PCDHA6: variants seen among roughly 807,000 people sequenced by gnomAD.
The protein encoded by PCDHA6 is protocadherin alpha 6, also known as protocadherin alpha-6.
A neutral mutation model predicts 60.3 loss-of-function variants in PCDHA6; 55 were observed. The ratio of observed to expected loss-of-function variants is 0.91; its 90% CI spans 0.73 to 1.14. PCDHA6 has a LOEUF of 1.14. Ranked by LOEUF, PCDHA6 falls within the 50% of genes most tolerant of loss-of-function variation. The pLI is 0.00. For synonymous variants in PCDHA6, 652 were observed against 557.9 expected (o/e 1.17, Z -2.38); for missense variants, 1,327 against 1,256.5 (o/e 1.06, Z -0.85).
In PCDHA6 at chr5:140,876,738, G is replaced by A. The variant is rs782179304; in HGVS notation, c.2394+46253G>A. 3.1e-6 allele frequency: 5 copies of A among 1,614,264 alleles called. No individual in the cohort carries two copies. In the Admixed American group the frequency reaches 5.0e-5, roughly 16 times the overall value. ...ACCGCGAGAGCGTGTCGGCCTATGA[G>A]CTGGTGGTGACTGCGCGGGATGGGG... On this transcript the variant is annotated intron_variant, in intron 1 of 3. Coordinates refer to ENST00000529310, the MANE Select transcript of PCDHA6 (RefSeq NM_018909.4).
chr5:140,951,603 T>G (rs1056623799), intron 1 of PCDHA6, among the ~76,000 whole-genome samples: 2 of 152,094 alleles, frequency 1.3e-5, no homozygotes, highest in African/African-American at 4.8e-5. Flanking sequence ...CTCACTGTTA[T>G]GAGAATAGCA....
chr5:140,995,800 A>G (rs180764210), intron 3 of PCDHA6, among the ~76,000 whole-genome samples: 3 of 152,282 alleles, frequency 2.0e-5, no homozygotes, highest in Non-Finnish European at 2.9e-5. Context: ...GTCTCATGTT[A>G]GTTTCTGAAG....
chr5:140,842,574 T>C, intron 1 of PCDHA6: 1 of 1,508,332 alleles, frequency 6.6e-7, no homozygotes, highest in East Asian at 2.3e-5. Context: ...CGCGAGAGAG[T>C]GTCGGCCTAT....
chr5:140,904,707 C>T (rs561558058), intron 1 of PCDHA6, among the ~76,000 whole-genome samples: 1 of 152,244 alleles, frequency 6.6e-6, no homozygotes, highest in African/African-American at 2.4e-5. Context: ...TCCCTTTTCA[C>T]CACATTCTGG....
chr5:141,010,030 C>CTAG lies in PCDHA6; in HGVS notation c.*93_*94insTAG. The stretch of plus-strand genomic sequence containing the variant: ...ATTCCCTGCTCCTTTTTCCTATCTA[C>CTAG]ATGAGCCCTCTTAGAGACCTCAGAA... On this transcript the variant is annotated 3_prime_UTR_variant, in exon 4 of 4. Coordinates refer to ENST00000529310, the MANE Select transcript of PCDHA6 (RefSeq NM_018909.4). 1 of 1,580,910 alleles carries CTAG rather than the reference C, an allele frequency of 6.3e-7. No homozygotes were observed. Among genetic ancestry groups the CTAG allele is most frequent in the Admixed American group, 1.8e-5 (1 of 54,776 alleles).
At chr5:140,900,538 A>G (rs1341812228) in intron 1 of PCDHA6, among the ~76,000 whole-genome samples, 1 of 152,162 alleles carries the variant, frequency 6.6e-6, no homozygotes, top group Non-Finnish European at 1.5e-5. Context: ...CGGCTTTCCA[A>G]AGTGCTGGGA....
intron 3 of PCDHA6, among the ~76,000 whole-genome samples, chr5:141,006,736 G>C (rs939000554): frequency 2.0e-5 from 3 of 152,122 alleles, no homozygotes; most frequent in African/African-American, 7.2e-5. Context: ...AGGTCTTGAT[G>C]ATGTATTATA....
At chr5:140,985,217 G>A (rs1196051994) in intron 3 of PCDHA6, among the ~76,000 whole-genome samples, 3 of 152,206 alleles carry the variant, frequency 2.0e-5, no homozygotes, top group Admixed American at 1.3e-4. Context: ...GATTACAGGC[G>A]TGAGCCACCG....
intron 1 of PCDHA6, chr5:140,857,881 G>T: frequency 6.3e-7 from 1 of 1,597,760 alleles, no homozygotes; most frequent in Non-Finnish European, 8.6e-7. Context: ...ATGAATTGCA[G>T]TCGGCGGCGG....
intron 1 of PCDHA6, chr5:140,875,267 C>T (rs1203068511): frequency 2.5e-6 from 3 of 1,210,992 alleles, no homozygotes; most frequent in Admixed American, 3.0e-5. Context: ...TGTCGCTCTA[C>T]ACTCAGAAGG....
chr5:140,904,225 T>A (rs782022279), intron 1 of PCDHA6, among the ~76,000 whole-genome samples: 5 of 152,020 alleles, frequency 3.3e-5, no homozygotes, highest in Non-Finnish European at 5.9e-5. Context: ...CATTGTATTA[T>A]ACTTATGCCT....
chr5:140,847,921 C>T lies in PCDHA6; in HGVS notation c.2394+17436C>T, dbSNP rs1781251714. ...GTAGATTTCTGGGCTCCTATATTCA[C>T]TAGAGATTGCAACTCCTGGATTTCT... On this transcript the variant is annotated intron_variant, in intron 1 of 3. Transcript: ENST00000529310. 2 of 150,926 alleles carry T rather than the reference C, an allele frequency of 1.3e-5. 1 individual carries two copies. Among genetic ancestry groups the T allele is most frequent in the Non-Finnish European group, 2.9e-5 (2 of 67,862 alleles). 9.3% of individuals were successfully genotyped at this position (150,926 alleles called of 1,614,324 possible).
chr5:140,905,664 T>A (rs1456741391), intron 1 of PCDHA6, among the ~76,000 whole-genome samples: 1 of 152,246 alleles, frequency 6.6e-6, no homozygotes, highest in African/African-American at 2.4e-5. Flanking sequence ...CTGTCATCCA[T>A]TAACATGGAA....
chr5:140,916,692 C>T (rs968252842), intron 1 of PCDHA6, among the ~76,000 whole-genome samples: 47 of 152,270 alleles, frequency 3.1e-4, no homozygotes, highest in African/African-American at 1.0e-3. Flanking sequence ...TCTTTTCTCT[C>T]CTCTCCTTAA....
chr5:140,965,855 T>G (rs961780781), intron 1 of PCDHA6, among the ~76,000 whole-genome samples: 1 of 152,226 alleles, frequency 6.6e-6, no homozygotes, highest in African/African-American at 2.4e-5. Context: ...AGGCACACAC[T>G]GAAAATAAGG....
chr5:140,871,444 A>C (rs782085925), intron 1 of PCDHA6: 1 of 1,610,088 alleles, frequency 6.2e-7, no homozygotes, highest in Non-Finnish European at 8.5e-7. Context: ...AGGTCTGAAT[A>C]AAGAGGAGGA....
intron 1 of PCDHA6, among the ~76,000 whole-genome samples, chr5:140,917,003 A>C (rs2077823052): frequency 6.6e-6 from 1 of 151,818 alleles, no homozygotes; most frequent in Non-Finnish European, 1.5e-5. Flanking sequence ...CTGTTCCAAA[A>C]TCTCCCTTCA....
chr5:140,928,732 A>G, intron 1 of PCDHA6: 1 of 1,614,114 alleles, frequency 6.2e-7, no homozygotes, highest in South Asian at 1.1e-5. Context: ...AATTTCAGCC[A>G]ATATAGGTGA....
intron 1 of PCDHA6, among the ~76,000 whole-genome samples, chr5:140,932,118 A>C (rs2088050775): frequency 6.6e-6 from 1 of 151,946 alleles, no homozygotes; most frequent in African/African-American, 2.4e-5. Flanking sequence ...CCAATTGATA[A>C]TATTTAAGAT....
Sources: allele counts gnomAD v4.1 joint callset (sites outside exome capture counted in the v4.1 genomes callset), GRCh38; gene constraint gnomAD v4.1.1; transcripts MANE v1.5; gene names NCBI Gene and HGNC (gene_info 2026-07-23, HGNC 2026-07-21).